Variants in RAPGEF2 observed in about 807,000 individuals in gnomAD.
RAPGEF2 encodes the protein Rap guanine nucleotide exchange factor 2, also known as PDZ domain containing guanine nucleotide exchange factor (GEF) 1.
RAPGEF2 carries 54 observed loss-of-function variants against 186.7 expected under a neutral mutation model. The observed-to-expected ratio is 0.29, with a 90% confidence interval of 0.23 to 0.36. RAPGEF2 has a LOEUF of 0.36. RAPGEF2 is among the 10% of genes least tolerant of loss of function. The pLI, the probability that RAPGEF2 is intolerant of heterozygous loss-of-function variation, is 1.00. For synonymous variants in RAPGEF2, 712 were observed against 705.9 expected (o/e 1.01, Z -0.14); for missense variants, 1,532 against 2,045.0 (o/e 0.75, Z 4.84).
rs191292066 is a variant in RAPGEF2, at chr4:159,199,608, T to C, written c.197+6352T>C. 7.4e-3 allele frequency among the ~76,000 whole-genome samples: 1,129 copies of C among 152,352 alleles called. 10 individuals are homozygous for C. The highest frequency in any genetic ancestry group is 0.026 in the African/African-American group (1,063 of 41,574). On this transcript the variant is annotated intron_variant, in intron 3 of 29. Coordinates refer to ENST00000691494, the MANE Select transcript of RAPGEF2 (RefSeq NM_001394067.2). ...TTGGATTCTTCGTATCAATTTTCTG[T>C]GAAACTGCTTAGTGAATAAAAACCT... is the stretch of plus-strand genomic sequence containing the variant.
At chr4:159,315,857 T>C (rs1307315926) in intron 9 of RAPGEF2, among the ~76,000 whole-genome samples, 2 of 152,152 alleles carry the variant, frequency 1.3e-5, no homozygotes, top group Non-Finnish European at 2.9e-5. Flanking sequence ...GAAGACGGAC[T>C]AGGAGCGTGA....
intron 1 of RAPGEF2, among the ~76,000 whole-genome samples, chr4:159,163,359 A>C (rs73860456): frequency 2.6e-5 from 4 of 152,210 alleles, no homozygotes; most frequent in African/African-American, 9.6e-5. Flanking sequence ...TGAGGTATAA[A>C]TGTTGAGTGT....
At chr4:159,280,688 G>C (rs1018662829) in intron 7 of RAPGEF2, among the ~76,000 whole-genome samples, 9 of 152,202 alleles carry the variant, frequency 5.9e-5, no homozygotes, top group Non-Finnish European at 1.3e-4. Flanking sequence ...ACTTTGAATT[G>C]TGAACCCTGA....
chr4:159,108,754 A>G (rs1382671466), intron 1 of RAPGEF2, among the ~76,000 whole-genome samples: 3 of 152,048 alleles, frequency 2.0e-5, no homozygotes, highest in African/African-American at 7.2e-5. Flanking sequence ...AGCGAGATAT[A>G]TATATTTGGA....
At chr4:159,105,025 C>T (rs1160084873) in intron 1 of RAPGEF2, among the ~76,000 whole-genome samples, 3 of 152,070 alleles carry the variant, frequency 2.0e-5, no homozygotes, top group South Asian at 2.1e-4. Flanking sequence ...GTTTGTTAAC[C>T]TTTATACATT....
chr4:159,338,596 TAA>T lies in RAPGEF2; in HGVS notation c.2293+130_2293+131del, dbSNP rs1767805503. 16 of 1,026,554 alleles carry T rather than the reference TAA, an allele frequency of 1.6e-5. No homozygotes were observed. The South Asian group carries it at 2.9e-4, about 18-fold the overall frequency. 63.6% of individuals were successfully genotyped at this position (1,026,554 alleles called of 1,614,324 possible). ...TCAGATGCTGAGTAAGGATGAAACTTAAACTTTAAGATTTTTGAAATCAGGTG... is the reference window on the plus strand; with the variant it reads ...TCAGATGCTGAGTAAGGATGAAACTTACTTTAAGATTTTTGAAATCAGGTG... On this transcript the variant is annotated intron_variant, in intron 18 of 29. Transcript: ENST00000691494.
chr4:159,188,895 A>G (rs1403142420), intron 2 of RAPGEF2, among the ~76,000 whole-genome samples: 1 of 152,196 alleles, frequency 6.6e-6, no homozygotes, highest in Non-Finnish European at 1.5e-5. Flanking sequence ...GGAGCCTGTG[A>G]GATGTTTATC....
intron 17 of RAPGEF2, among the ~76,000 whole-genome samples, chr4:159,337,568 TA>T (rs1561305621): frequency 6.6e-6 from 1 of 152,134 alleles, no homozygotes; most frequent in Non-Finnish European, 1.5e-5. Flanking sequence ...AAACTACTAA[TA>T]TTTTTTATGG....
intron 26 of RAPGEF2, among the ~76,000 whole-genome samples, chr4:159,350,861 C>G (rs1285850367): frequency 1.3e-5 from 2 of 152,134 alleles, no homozygotes; most frequent in Non-Finnish European, 2.9e-5. Context: ...TGAGTGTAAG[C>G]CAATAATAAA....
intron 17 of RAPGEF2, among the ~76,000 whole-genome samples, chr4:159,336,983 T>C (rs1579992323): frequency 6.6e-6 from 1 of 152,254 alleles, no homozygotes; most frequent in Non-Finnish European, 1.5e-5. Context: ...GTGTGTTTGC[T>C]TATTGCTTTA....
intron 2 of RAPGEF2, among the ~76,000 whole-genome samples, chr4:159,192,754 A>G (rs1748246340): frequency 1.3e-5 from 2 of 152,186 alleles, no homozygotes; most frequent in Non-Finnish European, 2.9e-5. Flanking sequence ...CTTAGAGCCT[A>G]CTTTTATCTG....
At chr4:159,131,101 AGAGAGAG>A (rs1560994252) in intron 1 of RAPGEF2, among the ~76,000 whole-genome samples, 24 of 46,714 alleles carry the variant, frequency 5.1e-4, no homozygotes, top group African/African-American at 2.5e-3. Flanking sequence ...TGTGTGTGAG[AGAGAGAG>A]AGAGAGAGAG....
chr4:159,179,818 C>A (rs1356423839), intron 1 of RAPGEF2, among the ~76,000 whole-genome samples: 1 of 152,142 alleles, frequency 6.6e-6, no homozygotes, highest in Non-Finnish European at 1.5e-5. Flanking sequence ...CCTTACAACT[C>A]CTGGTAGATT....
intron 26 of RAPGEF2, chr4:159,351,075 G>A (rs1006480514): frequency 6.5e-7 from 1 of 1,533,362 alleles, no homozygotes; most frequent in African/African-American, 1.4e-5. Flanking sequence ...GTGGCAATCA[G>A]CTGAGATCTT....
At chr4:159,330,620 C>T (rs1766555371) in intron 13 of RAPGEF2, 122 bp downstream of exon 13, 2 of 678,222 alleles carry the variant, frequency 2.9e-6, no homozygotes, top group South Asian at 5.2e-5. Flanking sequence ...GAATGTAATT[C>T]TGAAGCAAAA....
In RAPGEF2 at chr4:159,195,809, G is replaced by T. The variant is rs923908622; in HGVS notation, c.197+2553G>T. ...CAGCAGCTCATGCTACATTATGACT[G>T]CCTAACAATTATTATTGATTACTTA... On this transcript the variant is annotated intron_variant, in intron 3 of 29. Transcript: ENST00000691494. 2.7e-5 allele frequency among the ~76,000 whole-genome samples: 4 copies of T among 149,348 alleles called. 1 individual carries two copies. Among genetic ancestry groups the T allele is most frequent in the Non-Finnish European group, 4.4e-5 (3 of 67,704 alleles).
chr4:159,337,514 A>G (rs1767590522), intron 17 of RAPGEF2, among the ~76,000 whole-genome samples: 1 of 152,180 alleles, frequency 6.6e-6, no homozygotes, highest in Non-Finnish European at 1.5e-5. Context: ...CATTTCCATC[A>G]GAAACTAGAG....
intron 1 of RAPGEF2, among the ~76,000 whole-genome samples, chr4:159,125,648 C>G (rs1188447309): frequency 6.6e-6 from 1 of 151,826 alleles, no homozygotes; most frequent in African/African-American, 2.4e-5. Context: ...GTCCCAGCTG[C>G]TCAGGAGGCT....
chr4:159,126,153 A>AT (rs942516240), intron 1 of RAPGEF2, among the ~76,000 whole-genome samples: 1 of 152,166 alleles, frequency 6.6e-6, no homozygotes, highest in East Asian at 1.9e-4. Context: ...TGAAAACAAT[A>AT]TTTTTTTGGA....
Sources: gnomAD v4.1 joint callset for allele counts (sites outside exome capture counted in the v4.1 genomes callset) on GRCh38, gnomAD v4.1.1 for gene constraint, MANE v1.5 for transcripts, NCBI Gene and HGNC (gene_info 2026-07-23, HGNC 2026-07-21) for gene names.